ADAMTS12: variants seen among roughly 807,000 people sequenced by gnomAD.
ADAMTS12 encodes the protein ADAM metallopeptidase with thrombospondin type 1 motif 12.
Under a neutral mutation model 167.8 loss-of-function variants are expected in ADAMTS12, and 118 were observed. That is an observed-to-expected ratio of 0.70 (90% confidence interval 0.61 to 0.82). ADAMTS12 has a LOEUF of 0.82. Among genes scored for constraint, ADAMTS12 ranks in the 40% least tolerant of loss-of-function variants. The pLI is 0.00. For synonymous variants in ADAMTS12, 704 were observed against 716.9 expected (o/e 0.98, Z 0.29); for missense variants, 1,916 against 1,998.8 (o/e 0.96, Z 0.79).
intron 19 of ADAMTS12, among the ~76,000 whole-genome samples, chr5:33,566,402 T>C (rs1746016766): frequency 6.6e-6 from 1 of 152,124 alleles, no homozygotes; most frequent in South Asian, 2.1e-4. Flanking sequence ...AGTTCAGGAT[T>C]GTGATGAGCT....
intron 19 of ADAMTS12, among the ~76,000 whole-genome samples, chr5:33,565,890 A>G (rs2016646): frequency 0.15 from 23,228 of 151,786 alleles, 1,877 homozygotes; most frequent in East Asian, 0.19. Context: ...GGCTCGTTAA[A>G]TCAATTAACA....
At chr5:33,629,477 G>T (rs532730337) in intron 13 of ADAMTS12, among the ~76,000 whole-genome samples, 2 of 152,294 alleles carry the variant, frequency 1.3e-5, no homozygotes, top group African/African-American at 4.8e-5. Flanking sequence ...TGTGAAAGTT[G>T]TCAGAATCAA....
chr5:33,732,190 A>G (rs577128642), intron 3 of ADAMTS12, among the ~76,000 whole-genome samples: 4 of 152,220 alleles, frequency 2.6e-5, no homozygotes, highest in Admixed American at 6.5e-5. Context: ...CATATTCACC[A>G]TCTCCCTTCT....
chr5:33,742,274 T>C (rs1014408660), intron 3 of ADAMTS12, among the ~76,000 whole-genome samples: 1 of 150,554 alleles, frequency 6.6e-6, no homozygotes, highest in East Asian at 1.9e-4. Flanking sequence ...ATAAAGTACA[T>C]TGATAATTTC....
Position 33,715,545 on chromosome 5 carries a change from G to A in ADAMTS12, c.635-31490C>T, listed in dbSNP as rs185954274. Among the ~76,000 whole-genome samples, 322 of 152,150 alleles carry A rather than the reference G, an allele frequency of 2.1e-3. 1 individual carries two copies. The highest frequency in any genetic ancestry group is 7.6e-3 in the African/African-American group (314 of 41,512). ...TAGGGGAATCTCTGGAATGATAAAG[G>A]TTATTGAGATGCAATCCTAGATTCT... On this transcript the variant is annotated intron_variant, in intron 3 of 23. Coordinates refer to ENST00000504830, the MANE Select transcript of ADAMTS12 (RefSeq NM_030955.4).
At chr5:33,873,067 T>A (rs1306776685) in intron 2 of ADAMTS12, among the ~76,000 whole-genome samples, 1 of 151,742 alleles carries the variant, frequency 6.6e-6, no homozygotes, top group Non-Finnish European at 1.5e-5. Flanking sequence ...TTGAAAGTTC[T>A]AGGTAGTACA....
In ADAMTS12 at chr5:33,841,753, GGGT is replaced by G. The variant is rs557060631; in HGVS notation, c.489+39363_489+39365del. Among the ~76,000 whole-genome samples the G allele has an allele frequency of 1.5e-4, 23 of 152,314 alleles. No homozygotes were observed. In the South Asian group the frequency reaches 4.8e-3, roughly 32 times the overall value. ...CCCCATCAATGGGACTGCTATGCTA[GGGT>G]TCCTGACAACGCAATGCAAGAAGGA... is the stretch of plus-strand genomic sequence containing the variant. On this transcript the variant is annotated intron_variant, in intron 2 of 23. Coordinates refer to ENST00000504830, the MANE Select transcript of ADAMTS12 (RefSeq NM_030955.4).
chr5:33,816,807 G>C (rs1476879033), intron 2 of ADAMTS12, among the ~76,000 whole-genome samples: 1 of 152,102 alleles, frequency 6.6e-6, no homozygotes, highest in Non-Finnish European at 1.5e-5. Flanking sequence ...AGAGTGAGTA[G>C]GATTGTTCTG....
At chr5:33,574,873 A>T (rs1746605336) in intron 19 of ADAMTS12, among the ~76,000 whole-genome samples, 1 of 152,184 alleles carries the variant, frequency 6.6e-6, no homozygotes, top group South Asian at 2.1e-4. Context: ...AACTGGCGAG[A>T]TGAGTCATGA....
chr5:33,821,775 T>C (rs1183662827), intron 2 of ADAMTS12, among the ~76,000 whole-genome samples: 1 of 152,256 alleles, frequency 6.6e-6, no homozygotes, highest in African/African-American at 2.4e-5. Context: ...CTTCTCTAGC[T>C]GTGAACTTGC....
At chr5:33,806,642 A>C (rs1459301340) in intron 2 of ADAMTS12, among the ~76,000 whole-genome samples, 1 of 152,182 alleles carries the variant, frequency 6.6e-6, no homozygotes, top group Non-Finnish European at 1.5e-5. Context: ...TGATATGCAA[A>C]AACATGTTAC....
intron 15 of ADAMTS12, among the ~76,000 whole-genome samples, chr5:33,615,162 G>A (rs1274914254): frequency 6.6e-6 from 1 of 152,172 alleles, no homozygotes; most frequent in Non-Finnish European, 1.5e-5. Flanking sequence ...ATCCTTGCCT[G>A]TGTCAGAAGC....
chr5:33,724,963 C>T (rs1241660591), intron 3 of ADAMTS12, among the ~76,000 whole-genome samples: 1 of 152,118 alleles, frequency 6.6e-6, no homozygotes, highest in East Asian at 1.9e-4. Flanking sequence ...TCCCTTATCC[C>T]TTATAAGACC....
At chr5:33,666,044 A>G (rs1741453344) in intron 5 of ADAMTS12, among the ~76,000 whole-genome samples, 1 of 152,134 alleles carries the variant, frequency 6.6e-6, no homozygotes. Flanking sequence ...GGGTATTTAA[A>G]CTCCCCAAAA....
At chr5:33,782,447 T>A (rs1210369108) in intron 2 of ADAMTS12, among the ~76,000 whole-genome samples, 2 of 151,942 alleles carry the variant, frequency 1.3e-5, no homozygotes, top group African/African-American at 4.8e-5. Context: ...ACATCAATAA[T>A]GACATTAAAT....
chr5:33,791,928 T>A (rs1250289445), intron 2 of ADAMTS12, among the ~76,000 whole-genome samples: 2 of 151,938 alleles, frequency 1.3e-5, no homozygotes, highest in African/African-American at 4.8e-5. Flanking sequence ...TGTCCATAGG[T>A]CCTGGTGGTA....
At chr5:33,809,977 T>A (rs544764797) in intron 2 of ADAMTS12, among the ~76,000 whole-genome samples, 5 of 88,930 alleles carry the variant, frequency 5.6e-5, no homozygotes, top group Admixed American at 4.2e-4. Context: ...CTTAAGAAGT[T>A]TAACAGAAAA....
chr5:33,662,156 C>T, intron 5 of ADAMTS12, 116 bp from the exon 6 acceptor site: 1 of 1,361,968 alleles, frequency 7.3e-7, no homozygotes, highest in East Asian at 2.4e-5. Context: ...GTGGGTGCAT[C>T]AGACATTTGG....
chr5:33,735,120 C>A (rs1459161146), intron 3 of ADAMTS12, among the ~76,000 whole-genome samples: 3 of 152,198 alleles, frequency 2.0e-5, no homozygotes, highest in African/African-American at 7.2e-5. Flanking sequence ...CTGTTAAATT[C>A]TCCCAACCCT....
Sources: allele counts gnomAD v4.1 joint callset (sites outside exome capture counted in the v4.1 genomes callset), GRCh38; gene constraint gnomAD v4.1.1; transcripts MANE v1.5; gene names NCBI Gene and HGNC (gene_info 2026-07-23, HGNC 2026-07-21).